The following PRKCE variants were observed in gnomAD, a reference collection of about 807,000 sequenced individuals.
PRKCE encodes the protein protein kinase C epsilon type.
Under a neutral mutation model 85.4 loss-of-function variants are expected in PRKCE, and 16 were observed. The observed-to-expected ratio is 0.19, with a 90% CI of 0.13 to 0.28. The LOEUF is 0.28. Among genes scored for constraint, PRKCE ranks in the 10% least tolerant of loss-of-function variants. The pLI, the probability that PRKCE is intolerant of heterozygous loss-of-function variation, is 1.00. For synonymous variants in PRKCE, 388 were observed against 371.5 expected (o/e 1.04, Z -0.51); for missense variants, 573 against 975.2 (o/e 0.59, Z 5.49).
At chr2:45,654,613 T>A (rs1477939773) in intron 1 of PRKCE, among the ~76,000 whole-genome samples, 1 of 152,238 alleles carries the variant, frequency 6.6e-6, no homozygotes, top group Non-Finnish European at 1.5e-5. Flanking sequence ...ACATTTTTAT[T>A]GTACTTGATA....
At chr2:45,796,561 C>T (rs989780584) in intron 1 of PRKCE, among the ~76,000 whole-genome samples, 1 of 152,170 alleles carries the variant, frequency 6.6e-6, no homozygotes, top group East Asian at 1.9e-4. Context: ...CTTGGGCAAT[C>T]TGCTTCCAGG....
chr2:46,112,120 C>T (rs1035984856), intron 11 of PRKCE, among the ~76,000 whole-genome samples: 3 of 152,106 alleles, frequency 2.0e-5, no homozygotes, highest in Admixed American at 6.6e-5. Context: ...CTTGAGGAAC[C>T]GACATCTTTA....
At chr2:46,124,626 A>G (rs1387271851) in intron 11 of PRKCE, among the ~76,000 whole-genome samples, 1 of 152,140 alleles carries the variant, frequency 6.6e-6, no homozygotes, top group African/African-American at 2.4e-5. Context: ...ATGGCTCTGC[A>G]TTTATGTTCA....
chr2:45,661,530 G>GTTTTTTTTTT (rs11406618), intron 1 of PRKCE, among the ~76,000 whole-genome samples: 2 of 104,856 alleles, frequency 1.9e-5, no homozygotes, highest in Admixed American at 1.3e-4. Flanking sequence ...TTTGTTTTTT[G>GTTTTTTTTTT]TTTTTTTTTT....
At chr2:45,826,350 G>C (rs935665) in intron 1 of PRKCE, among the ~76,000 whole-genome samples, 94,909 of 151,592 alleles carry the variant, frequency 0.63, 30,860 homozygotes, top group African/African-American at 0.81. Context: ...TCTGGGGCAG[G>C]TCTTTGTGAT....
chr2:45,663,638 C>A (rs1166739250), intron 1 of PRKCE, among the ~76,000 whole-genome samples: 1 of 152,112 alleles, frequency 6.6e-6, no homozygotes, highest in Non-Finnish European at 1.5e-5. Flanking sequence ...AAAAAATTAG[C>A]CAGGCGTGGT....
intron 11 of PRKCE, among the ~76,000 whole-genome samples, chr2:46,106,179 A>T (rs937966628): frequency 3.3e-5 from 5 of 152,224 alleles, no homozygotes; most frequent in Non-Finnish European, 5.9e-5. Flanking sequence ...GTTGAAACTC[A>T]TGTTGTTCAA....
intron 11 of PRKCE, among the ~76,000 whole-genome samples, chr2:46,102,881 T>G (rs1671371055): frequency 6.6e-6 from 1 of 152,220 alleles, no homozygotes; most frequent in Admixed American, 6.5e-5. Flanking sequence ...ATAGTCAATA[T>G]CAAATGTTTG....
At chr2:45,773,297 G>T (rs1198815491) in intron 1 of PRKCE, among the ~76,000 whole-genome samples, 2 of 152,188 alleles carry the variant, frequency 1.3e-5, no homozygotes, top group African/African-American at 4.8e-5. Flanking sequence ...CTGGATTCAG[G>T]CTTGTTTCTG....
intron 1 of PRKCE, among the ~76,000 whole-genome samples, chr2:45,744,481 C>CT (rs1558623753): frequency 0.011 from 484 of 43,044 alleles, 14 homozygotes; most frequent in Middle Eastern, 0.021. Flanking sequence ...TTCTTTCTTT[C>CT]TTTCTTTTTC....
At chr2:45,941,917 C>G (rs762944237) in intron 2 of PRKCE, among the ~76,000 whole-genome samples, 1 of 152,106 alleles carries the variant, frequency 6.6e-6, no homozygotes, top group Non-Finnish European at 1.5e-5. Context: ...AGAGTTTTAC[C>G]TCTTCTACCC....
chr2:45,879,171 G>A (rs1222793946), intron 2 of PRKCE, among the ~76,000 whole-genome samples: 4 of 152,210 alleles, frequency 2.6e-5, no homozygotes, highest in African/African-American at 9.7e-5. Context: ...CAGAGAAGGG[G>A]GAAAGAGAAG....
At chr2:46,128,902 G>T (rs1025747339) in intron 11 of PRKCE, among the ~76,000 whole-genome samples, 2 of 152,164 alleles carry the variant, frequency 1.3e-5, no homozygotes, top group African/African-American at 4.8e-5. Flanking sequence ...TGGAGCAGGT[G>T]CTTTGAACTT....
In PRKCE at chr2:46,159,419, G is replaced by A. The variant is rs1677539570; in HGVS notation, c.1921-187G>A. Among the ~76,000 whole-genome samples, 1 of 152,194 alleles carries A rather than the reference G, an allele frequency of 6.6e-6. No homozygotes were observed. The highest frequency in any genetic ancestry group is 2.4e-5 in the African/African-American group (1 of 41,444). ...ATACATGTACCATGTCTAGAATGGT[G>A]TCTGGGACATAGTCAATTCTATGTA... is the stretch of plus-strand genomic sequence containing the variant. On this transcript the variant is annotated intron_variant, in intron 13 of 14. Coordinates refer to ENST00000306156, the MANE Select transcript of PRKCE (RefSeq NM_005400.3). The surrounding 1 kb of genome is among the most constrained non-coding windows in gnomAD (Gnocchi z 4.1).
At chr2:45,857,628 G>T (rs776770071) in intron 2 of PRKCE, among the ~76,000 whole-genome samples, 4 of 151,998 alleles carry the variant, frequency 2.6e-5, no homozygotes, top group Non-Finnish European at 5.9e-5. Context: ...GCCCATACTG[G>T]TCTTGAACTC....
intron 2 of PRKCE, among the ~76,000 whole-genome samples, chr2:45,877,109 C>G (rs1198863697): frequency 1.3e-5 from 2 of 152,024 alleles, no homozygotes; most frequent in Admixed American, 1.3e-4. Context: ...TTGTTTGTTG[C>G]TAGTATAGGA....
At chr2:45,926,351 T>C (rs999691139) in intron 2 of PRKCE, among the ~76,000 whole-genome samples, 1 of 152,190 alleles carries the variant, frequency 6.6e-6, no homozygotes, top group Non-Finnish European at 1.5e-5. Flanking sequence ...ATAAAAGCCT[T>C]TCACAAGTAG....
At chr2:45,687,747 AAAG>A (rs754198487) in intron 1 of PRKCE, among the ~76,000 whole-genome samples, 1 of 152,258 alleles carries the variant, frequency 6.6e-6, no homozygotes, top group East Asian at 1.9e-4. Flanking sequence ...AGGCTGCTAG[AAAG>A]AAGAAAGGTA....
intron 14 of PRKCE, among the ~76,000 whole-genome samples, chr2:46,173,374 G>C (rs1249903826): frequency 6.6e-6 from 1 of 152,090 alleles, no homozygotes; most frequent in Non-Finnish European, 1.5e-5. Context: ...GCCTTTCACA[G>C]AAAAAAATGG....
Sources: allele counts gnomAD v4.1 joint callset (sites outside exome capture counted in the v4.1 genomes callset), GRCh38; gene constraint gnomAD v4.1.1; non-coding constraint Gnocchi (gnomAD v3.1); transcripts MANE v1.5; gene names NCBI Gene and HGNC (gene_info 2026-07-23, HGNC 2026-07-21).